The following RIMS2 variants were observed in gnomAD, a reference collection of about 807,000 sequenced individuals.
The protein encoded by RIMS2 is regulating synaptic membrane exocytosis protein 2.
In RIMS2, 59 loss-of-function variants were observed where a neutral mutation model predicts 174.4. That is an observed-to-expected ratio of 0.34 (90% confidence interval 0.27 to 0.42). The LOEUF (loss-of-function observed/expected upper bound fraction) is 0.42. RIMS2 is among the 10% of genes least tolerant of loss of function. The pLI is 1.00. For missense variants in RIMS2, 1,620 were observed against 1,666.3 expected (o/e 0.97, Z 0.48); for synonymous variants, 606 against 572.5 (o/e 1.06, Z -0.84).
At position 103,836,090 on chromosome 8, in the gene RIMS2, G is replaced by C. The variant is rs140032549; in HGVS notation, c.699-49208G>C. On this transcript the variant is annotated intron_variant, in intron 3 of 23. Coordinates refer to ENST00000504942, the Ensembl canonical transcript of RIMS2. ...ATCTATTACAAAGACAATTTACAGAGGGAATTTTTAAAGGAAATTTGATTT... is the reference window on the plus strand; with the variant it reads ...ATCTATTACAAAGACAATTTACAGACGGAATTTTTAAAGGAAATTTGATTT... Among the ~76,000 whole-genome samples the C allele has an allele frequency of 3.3e-5, 5 of 152,236 alleles. No individual in the cohort carries two copies. The East Asian group carries it at 9.7e-4, about 29-fold the overall frequency.
intron 4 of RIMS2, among the ~76,000 whole-genome samples, chr8:103,891,515 G>T (rs1475830759): frequency 6.6e-6 from 1 of 151,954 alleles, no homozygotes; most frequent in Admixed American, 6.6e-5. Context: ...TCAACCATTT[G>T]CCCAACTGCA....
At chr8:103,899,424 A>G (rs1156233204) in intron 4 of RIMS2, among the ~76,000 whole-genome samples, 7 of 151,706 alleles carry the variant, frequency 4.6e-5, no homozygotes, top group South Asian at 2.1e-4. Context: ...TCTAACTGGC[A>G]TGAGATGGTA....
chr8:103,536,914 A>G (rs1037147292), intron 1 of RIMS2, among the ~76,000 whole-genome samples: 2 of 152,254 alleles, frequency 1.3e-5, no homozygotes, highest in Non-Finnish European at 2.9e-5. Flanking sequence ...CAAGAACTAT[A>G]ACAAAGGAAA....
intron 1 of RIMS2, among the ~76,000 whole-genome samples, chr8:103,546,210 AG>A (rs1171642558): frequency 3.3e-5 from 5 of 152,230 alleles, no homozygotes; most frequent in African/African-American, 9.6e-5. Flanking sequence ...AATGGAAAAC[AG>A]AAAAAAACAG....
chr8:104,169,339 T>TATATATAA (rs1359764472), intron 19 of RIMS2, among the ~76,000 whole-genome samples: 2 of 33,264 alleles, frequency 6.0e-5, no homozygotes, highest in Non-Finnish European at 1.0e-4. Context: ...TATATATATA[T>TATATATAA]AAAACAGATT....
chr8:103,735,352 A>G (rs1277065490), intron 2 of RIMS2, among the ~76,000 whole-genome samples: 4 of 152,182 alleles, frequency 2.6e-5, no homozygotes, highest in Non-Finnish European at 4.4e-5. Context: ...ACAAATGTCA[A>G]TGAAAATATT....
At chr8:103,711,516 G>A (rs2097303167) in intron 2 of RIMS2, among the ~76,000 whole-genome samples, 2 of 152,130 alleles carry the variant, frequency 1.3e-5, no homozygotes, top group Non-Finnish European at 2.9e-5. Flanking sequence ...TTAACAGTGT[G>A]GAGTGGTTTG....
At chr8:104,091,571 A>G (rs2097658509) in intron 19 of RIMS2, among the ~76,000 whole-genome samples, 1 of 150,606 alleles carries the variant, frequency 6.6e-6, no homozygotes, top group African/African-American at 2.4e-5. Flanking sequence ...TTTACTTTCA[A>G]TAAATTTTGT....
intron 19 of RIMS2, among the ~76,000 whole-genome samples, chr8:104,169,006 C>T (rs943267993): frequency 5.9e-5 from 9 of 151,794 alleles, no homozygotes; most frequent in South Asian, 2.1e-4. Context: ...CCCACTCGAT[C>T]GTAGTGTATT....
intron 1 of RIMS2, among the ~76,000 whole-genome samples, chr8:103,602,706 G>C (rs759388999): frequency 6.6e-6 from 1 of 152,102 alleles, no homozygotes; most frequent in Non-Finnish European, 1.5e-5. Flanking sequence ...GTGTATCATT[G>C]ATGCACATTT....
chr8:103,934,094 T>C (rs1413015090), intron 12 of RIMS2, among the ~76,000 whole-genome samples: 2 of 152,178 alleles, frequency 1.3e-5, no homozygotes, highest in Non-Finnish European at 2.9e-5. Context: ...AGTTCAAATA[T>C]ATTTCTTCTT....
chr8:103,590,872 G>T (rs530108224), intron 1 of RIMS2, among the ~76,000 whole-genome samples: 3 of 151,156 alleles, frequency 2.0e-5, no homozygotes, highest in Admixed American at 6.6e-5. Context: ...TGTTTTTGTA[G>T]ACATATGTTT....
intron 3 of RIMS2, among the ~76,000 whole-genome samples, chr8:103,791,797 A>G (rs2098501806): frequency 2.0e-5 from 3 of 152,202 alleles, no homozygotes; most frequent in African/African-American, 7.2e-5. Flanking sequence ...CAGACTTTAA[A>G]CCAACAAAGA....
At chr8:103,654,920 T>A (rs944010934) in intron 1 of RIMS2, among the ~76,000 whole-genome samples, 5 of 151,982 alleles carry the variant, frequency 3.3e-5, no homozygotes, top group Non-Finnish European at 7.4e-5. Context: ...TAAAAATCTA[T>A]TATGTTTCCT....
At chr8:104,161,572 C>A (rs927868357) in intron 19 of RIMS2, among the ~76,000 whole-genome samples, 3 of 152,112 alleles carry the variant, frequency 2.0e-5, no homozygotes, top group Non-Finnish European at 2.9e-5. Flanking sequence ...GAATAAGGGA[C>A]AACTTTTTTT....
chr8:103,628,642 T>G (rs1331366021), intron 1 of RIMS2, among the ~76,000 whole-genome samples: 1 of 151,804 alleles, frequency 6.6e-6, no homozygotes, highest in Non-Finnish European at 1.5e-5. Context: ...GTACTGTGAT[T>G]ACAGGTGTGA....
intron 1 of RIMS2, among the ~76,000 whole-genome samples, chr8:103,551,778 A>G (rs1467255296): frequency 6.6e-6 from 1 of 152,222 alleles, no homozygotes; most frequent in Non-Finnish European, 1.5e-5. Context: ...TCAATGTGCA[A>G]AAATCACAAG....
At chr8:104,137,800 ACT>A (rs772385360) in intron 19 of RIMS2, among the ~76,000 whole-genome samples, 13 of 152,020 alleles carry the variant, frequency 8.6e-5, no homozygotes, top group Non-Finnish European at 1.6e-4. Flanking sequence ...ATCCAGTTAT[ACT>A]CTTTTAGTTA....
chr8:104,107,773 C>T (rs116308219), intron 19 of RIMS2, among the ~76,000 whole-genome samples: 1,945 of 152,310 alleles, frequency 0.013, 49 homozygotes, highest in African/African-American at 0.045. Flanking sequence ...CACAGCAAGA[C>T]TCCATCTCTA....
Sources: gnomAD v4.1 joint callset for allele counts (sites outside exome capture counted in the v4.1 genomes callset) on GRCh38, gnomAD v4.1.1 for gene constraint, MANE v1.5 for transcripts, NCBI Gene and HGNC (gene_info 2026-07-23, HGNC 2026-07-21) for gene names.